Variants in UBTD2 observed in about 807,000 individuals in gnomAD.
The protein encoded by UBTD2 is ubiquitin domain-containing protein 2.
In UBTD2, 9 loss-of-function variants were observed where a neutral mutation model predicts 19.8. The ratio of observed to expected loss-of-function variants is 0.46; its 90% CI spans 0.27 to 0.79. UBTD2 has a LOEUF of 0.79. Among genes scored for constraint, UBTD2 ranks in the 30% least tolerant of loss-of-function variants. The pLI, the probability that UBTD2 is intolerant of heterozygous loss-of-function variation, is 0.14. For missense variants in UBTD2, 250 were observed against 300.4 expected, an observed-to-expected ratio of 0.83 and a Z score of 1.24; for synonymous variants, 98 against 103.9, an observed-to-expected ratio of 0.94 and a Z score of 0.35.
At chr5:172,246,403 T>A (rs1275713357) in intron 1 of UBTD2, among the ~76,000 whole-genome samples, 1 of 146,590 alleles carries the variant, frequency 6.8e-6, no homozygotes, top group African/African-American at 2.5e-5. Flanking sequence ...CTATATGATC[T>A]AAACAAACCA....
intron 1 of UBTD2, among the ~76,000 whole-genome samples, chr5:172,257,543 T>A (rs1755180929): frequency 6.6e-6 from 1 of 152,220 alleles, no homozygotes; most frequent in Non-Finnish European, 1.5e-5. Context: ...TGGTTTAAGT[T>A]ATTTGAGAAA....
intron 1 of UBTD2, among the ~76,000 whole-genome samples, chr5:172,266,786 C>T (rs1425697203): frequency 6.6e-6 from 1 of 152,122 alleles, no homozygotes; most frequent in Admixed American, 6.6e-5. Flanking sequence ...CCTGTGATCC[C>T]AACACTTTGG....
intron 1 of UBTD2, among the ~76,000 whole-genome samples, chr5:172,266,907 G>C (rs942465948): frequency 6.6e-6 from 1 of 152,082 alleles, no homozygotes; most frequent in African/African-American, 2.4e-5. Context: ...AGGTGCAGTG[G>C]TGTGCGCCTA....
intron 2 of UBTD2, among the ~76,000 whole-genome samples, chr5:172,221,991 T>G (rs1374287484): frequency 6.6e-6 from 1 of 152,160 alleles, no homozygotes; most frequent in Non-Finnish European, 1.5e-5. Context: ...TCCACTTAAT[T>G]TTGCTGTGAA....
At chr5:172,236,002 T>C (rs975210087) in intron 1 of UBTD2, among the ~76,000 whole-genome samples, 1 of 152,222 alleles carries the variant, frequency 6.6e-6, no homozygotes, top group African/African-American at 2.4e-5. Flanking sequence ...AAAGCATCCA[T>C]GAAATTGACT....
At chr5:172,279,846 T>C (rs1032656297) in intron 1 of UBTD2, among the ~76,000 whole-genome samples, 3 of 152,092 alleles carry the variant, frequency 2.0e-5, no homozygotes, top group Admixed American at 2.0e-4. Flanking sequence ...ATACAGAATG[T>C]CTGAAAATGT....
rs527820330 is a variant in UBTD2 at position 172,241,141 on chromosome 5, C to T, written c.71-6783G>A. 6.1e-4 allele frequency among the ~76,000 whole-genome samples: 92 copies of T among 151,622 alleles called. 1 individual carries two copies. The South Asian group carries it at 0.018, about 30-fold the overall frequency. On this transcript the variant is annotated intron_variant, in intron 1 of 2. Coordinates refer to ENST00000393792, the MANE Select transcript of UBTD2 (RefSeq NM_152277.3). Reference sequence around the variant, plus strand: ...ATAAATCAAGGATGCTGGCCGGGCACGGTGGCTCACACCTGTAATCTCAGC... The same window carrying T: ...ATAAATCAAGGATGCTGGCCGGGCATGGTGGCTCACACCTGTAATCTCAGC...
chr5:172,236,398 A>G (rs1772009812), intron 1 of UBTD2, among the ~76,000 whole-genome samples: 1 of 152,182 alleles, frequency 6.6e-6, no homozygotes, highest in African/African-American at 2.4e-5. Context: ...AGATGTGCCT[A>G]TTACATTTAA....
chr5:172,240,491 GA>G (rs143390787), intron 1 of UBTD2, among the ~76,000 whole-genome samples: 3,784 of 152,002 alleles, frequency 0.025, 127 homozygotes, highest in African/African-American at 0.084. Flanking sequence ...TTATTGGGGG[GA>G]AAAAAATCAA....
intron 2 of UBTD2, among the ~76,000 whole-genome samples, chr5:172,230,138 C>T (rs2113888944): frequency 6.6e-6 from 1 of 152,118 alleles, no homozygotes; most frequent in South Asian, 2.1e-4. Flanking sequence ...AGTCAATTTC[C>T]AGAATGAAAA....
chr5:172,235,081 TA>T (rs147722144), intron 1 of UBTD2, among the ~76,000 whole-genome samples: 4 of 151,906 alleles, frequency 2.6e-5, no homozygotes, highest in Admixed American at 6.6e-5. Context: ...AAAACTGCTC[TA>T]AAAAAATTTT....
intron 1 of UBTD2, among the ~76,000 whole-genome samples, chr5:172,248,474 G>A (rs1196181525): frequency 1.3e-5 from 2 of 152,058 alleles, no homozygotes; most frequent in South Asian, 4.2e-4. Context: ...CGTAGTCCCA[G>A]CTACTCGGGA....
intron 1 of UBTD2, chr5:172,255,287 G>C (rs922765980): frequency 1.6e-5 from 7 of 447,390 alleles, no homozygotes; most frequent in Non-Finnish European, 2.7e-5. Flanking sequence ...AGGCCTTCTA[G>C]GGTCTGAAAG....
At chr5:172,232,486 T>C (rs1268969247) in intron 2 of UBTD2, among the ~76,000 whole-genome samples, 3 of 151,658 alleles carry the variant, frequency 2.0e-5, no homozygotes, top group Non-Finnish European at 2.9e-5. Context: ...CAGGCAGCTA[T>C]AAAAAAAAGG....
chr5:172,224,298 C>CTTTTTTTT (rs35105814), intron 2 of UBTD2, among the ~76,000 whole-genome samples: 3 of 121,652 alleles, frequency 2.5e-5, no homozygotes, highest in East Asian at 2.4e-4. Context: ...TTTTTCATTT[C>CTTTTTTTT]TTTTTTTTTT....
At chr5:172,236,660 G>C (rs1185752797) in intron 1 of UBTD2, among the ~76,000 whole-genome samples, 1 of 152,234 alleles carries the variant, frequency 6.6e-6, no homozygotes, top group Non-Finnish European at 1.5e-5. Context: ...AGATGGCACA[G>C]TAAGCAGGTA....
intron 1 of UBTD2, among the ~76,000 whole-genome samples, chr5:172,279,378 T>C (rs927124494): frequency 1.3e-5 from 2 of 152,232 alleles, no homozygotes; most frequent in African/African-American, 4.8e-5. Context: ...GGATAAATGG[T>C]AGATGCTATT....
At chr5:172,214,509 C>A (rs1445037785) in intron 2 of UBTD2, among the ~76,000 whole-genome samples, 2 of 152,192 alleles carry the variant, frequency 1.3e-5, no homozygotes, top group African/African-American at 4.8e-5. Flanking sequence ...ATACCAGTAA[C>A]TTCACACTGC....
chr5:172,263,851 C>G (rs886639256), intron 1 of UBTD2, among the ~76,000 whole-genome samples: 69 of 142,342 alleles, frequency 4.8e-4, no homozygotes, highest in African/African-American at 1.3e-3. Flanking sequence ...GCACGTGCCT[C>G]TGTGTGTGTG....
Sources: allele counts gnomAD v4.1 joint callset (sites outside exome capture counted in the v4.1 genomes callset), GRCh38; gene constraint gnomAD v4.1.1; transcripts MANE v1.5; gene names NCBI Gene and HGNC (gene_info 2026-07-23, HGNC 2026-07-21).